Variants in CLVS2 observed in about 807,000 individuals in gnomAD.
The protein encoded by CLVS2 is clavesin-2.
Under a neutral mutation model 29.0 loss-of-function variants are expected in CLVS2, and 19 were observed. The observed-to-expected ratio is 0.66, with a 90% confidence interval of 0.46 to 0.96. CLVS2 has a LOEUF of 0.96. Among genes scored for constraint, CLVS2 ranks in the 40% least tolerant of loss-of-function variants. The pLI is 0.00. For missense variants in CLVS2, 294 were observed against 404.1 expected (o/e 0.73, Z 2.34); for synonymous variants, 161 against 151.3 (o/e 1.06, Z -0.47).
chr6:123,062,182 T>A (rs2086508473), intron 5 of CLVS2, among the ~76,000 whole-genome samples: 1 of 152,184 alleles, frequency 6.6e-6, no homozygotes, highest in South Asian at 2.1e-4. Flanking sequence ...TCTTTGAACA[T>A]GAATTCATCT....
intron 3 of CLVS2, among the ~76,000 whole-genome samples, chr6:123,039,305 C>A (rs557937341): frequency 1.3e-5 from 2 of 152,236 alleles, no homozygotes; most frequent in East Asian, 1.9e-4. Context: ...AATAGTATGA[C>A]CTTTTTGCTG....
intron 2 of CLVS2, among the ~76,000 whole-genome samples, chr6:123,008,969 T>G (rs758903131): frequency 1.3e-5 from 2 of 152,260 alleles, no homozygotes; most frequent in East Asian, 3.9e-4. Context: ...GACTTTTGCC[T>G]TTTATAATAC....
chr6:123,059,629 C>T (rs544329181), intron 5 of CLVS2, among the ~76,000 whole-genome samples: 2 of 152,264 alleles, frequency 1.3e-5, no homozygotes, highest in South Asian at 4.1e-4. Context: ...CTTTGGGTTG[C>T]TGTTGTTGTC....
rs1772558351 is a variant in CLVS2 at position 123,048,679 on chromosome 6, C to T, written c.622C>T (p.His208Tyr). ...TTTTGTCAATCAACCATGGTATATC[C>T]ATGCCCTGTACACCGTGATCCGGCC... ...IHFVNQPWYI[H>Y]ALYTVIRPFL... The change falls in exon 4 of 6, where the codon CAT becomes TAT. Residue 208 changes from histidine to tyrosine, a missense_variant. By Grantham distance (83) the His-to-Tyr change is moderately conservative. This residue lies in a region of CLVS2 where 212 missense variants were observed against 336.4 expected (regional missense o/e 0.63). Transcript: ENST00000275162. The T allele has an allele frequency of 5.0e-6, 8 of 1,613,546 alleles. No homozygotes were observed. Among genetic ancestry groups the T allele is most frequent in the Non-Finnish European group, 6.8e-6 (8 of 1,179,600 alleles).
intron 3 of CLVS2, among the ~76,000 whole-genome samples, chr6:123,026,558 T>C (rs972264437): frequency 1.3e-5 from 2 of 152,128 alleles, no homozygotes; most frequent in Admixed American, 1.3e-4. Context: ...TGGGTCACAT[T>C]TGGGGCCACA....
In CLVS2 at chr6:123,070,166, T is replaced by C. The variant is rs112717671; in HGVS notation, c.*6405T>C. 5 of 152,084 alleles carry C rather than the reference T, an allele frequency of 3.3e-5. 1 individual carries two copies. Among genetic ancestry groups the C allele is most frequent in the Middle Eastern group, 3.4e-3 (1 of 294 alleles). 9.4% of individuals were successfully genotyped at this position (152,084 alleles called of 1,614,324 possible). Reference sequence around the variant, plus strand: ...TACTCCTCATTCATATAGCTAACAATTTTAATTGGATGGCTAATGGATATG... The same window carrying C: ...TACTCCTCATTCATATAGCTAACAACTTTAATTGGATGGCTAATGGATATG... On this transcript the variant is annotated 3_prime_UTR_variant, in exon 6 of 6. Transcript: ENST00000275162.
chr6:122,996,332 G>C lies in CLVS2; in HGVS notation c.-974G>C, dbSNP rs1431370914. 3.3e-5 allele frequency: 5 copies of C among 152,414 alleles called. No individual in the cohort carries two copies. Among genetic ancestry groups the C allele is most frequent in the Admixed American group, 6.5e-5 (1 of 15,268 alleles). 9.4% of individuals were successfully genotyped at this position (152,414 alleles called of 1,614,324 possible). A position where few individuals can be genotyped will look rare whatever the true frequency, so the allele number is the denominator to read the frequency against. On this transcript the variant is annotated 5_prime_UTR_variant, in exon 1 of 6. Transcript: ENST00000275162. Reference sequence around the variant, plus strand: ...GAGAGCCCCAGGAGAGGCCAGCGCCGCGCAGCAGCCGCCCCGCTGCGCCCA... The same window carrying C: ...GAGAGCCCCAGGAGAGGCCAGCGCCCCGCAGCAGCCGCCCCGCTGCGCCCA...
intron 4 of CLVS2, among the ~76,000 whole-genome samples, chr6:123,052,133 T>C (rs967135398): frequency 7.2e-5 from 11 of 152,292 alleles, no homozygotes; most frequent in African/African-American, 2.6e-4. Context: ...AATTATATGA[T>C]ATATTAGAAG....
intron 4 of CLVS2, among the ~76,000 whole-genome samples, chr6:123,053,880 G>A (rs78102424): frequency 2.0e-5 from 3 of 152,112 alleles, no homozygotes; most frequent in African/African-American, 4.8e-5. Flanking sequence ...ATTCTAGTGC[G>A]CAGGTGGAGA....
intron 3 of CLVS2, among the ~76,000 whole-genome samples, chr6:123,038,912 A>T (rs1775190670): frequency 2.0e-5 from 3 of 152,214 alleles, no homozygotes; most frequent in African/African-American, 7.2e-5. Context: ...CTTATAACTG[A>T]TGTCTGGAAG....
intron 4 of CLVS2, 94 bp downstream of exon 4, chr6:123,048,826 A>T: frequency 2.5e-6 from 2 of 786,934 alleles, no homozygotes; most frequent in South Asian, 3.2e-5. Flanking sequence ...AGTAAAATGT[A>T]CTTCTACATT....
At chr6:123,057,334 CTTTTTTTTTTTTTT>C (rs71541220) in intron 5 of CLVS2, among the ~76,000 whole-genome samples, 11 of 83,696 alleles carry the variant, frequency 1.3e-4, no homozygotes, top group Non-Finnish European at 1.6e-4. Flanking sequence ...GGATGGTCTT[CTTTTTTTTTTTTTT>C]TTTTTTTTTT....
intron 5 of CLVS2, 73 bp downstream of exon 5, chr6:123,056,099 T>G (rs1772690092): frequency 1.1e-6 from 1 of 939,160 alleles, no homozygotes; most frequent in Non-Finnish European, 1.7e-6. Flanking sequence ...ACTCAAAGCT[T>G]TCTGTTTTTC....
chr6:123,017,466 T>C (rs1416811398), intron 3 of CLVS2, among the ~76,000 whole-genome samples: 3 of 152,090 alleles, frequency 2.0e-5, no homozygotes, highest in African/African-American at 7.2e-5. Flanking sequence ...CATTACCACA[T>C]TGAGAAACAG....
chr6:123,047,650 C>G (rs1772537455), intron 3 of CLVS2, among the ~76,000 whole-genome samples: 1 of 152,094 alleles, frequency 6.6e-6, no homozygotes, highest in South Asian at 2.1e-4. Flanking sequence ...ATTTTAGTTC[C>G]TTTACTTTTC....
At chr6:123,023,804 G>T (rs1026964990) in intron 3 of CLVS2, among the ~76,000 whole-genome samples, 1 of 152,152 alleles carries the variant, frequency 6.6e-6, no homozygotes, top group South Asian at 2.1e-4. Flanking sequence ...ATCATGTCCA[G>T]ATTTTAATTT....
rs1472479457 is a variant in CLVS2, at chr6:123,070,907, G to T, written c.*7146G>T. On this transcript the variant is annotated 3_prime_UTR_variant, in exon 6 of 6. Transcript: ENST00000275162. Reference sequence around the variant, plus strand: ...GCCTCTAATTTCAGATATCCACGTGGTTTATTCCCTCATCTTCTTCAGGTA... The same window carrying T: ...GCCTCTAATTTCAGATATCCACGTGTTTTATTCCCTCATCTTCTTCAGGTA... 2 of 151,816 alleles carry T rather than the reference G, an allele frequency of 1.3e-5. No individual in the cohort carries two copies. The highest frequency in any genetic ancestry group is 6.6e-5 in the Admixed American group (1 of 15,202). 9.4% of individuals were successfully genotyped at this position (151,816 alleles called of 1,614,324 possible).
chr6:123,003,691 G>GA (rs1562161941), intron 2 of CLVS2, among the ~76,000 whole-genome samples: 2 of 152,232 alleles, frequency 1.3e-5, no homozygotes, highest in East Asian at 1.9e-4. Flanking sequence ...TCTCTGGGAA[G>GA]AAAAAACATG....
rs1424860830 is a variant in CLVS2, at chr6:123,064,781, T to C, written c.*1020T>C. ...GATATTCAATGATCTTATGGATAAT[T>C]ACATGAGATAACTCTGGAAAACTAC... is the stretch of plus-strand genomic sequence containing the variant. On this transcript the variant is annotated 3_prime_UTR_variant, in exon 6 of 6. Transcript: ENST00000275162. The C allele has an allele frequency of 6.6e-6, 1 of 151,848 alleles. No individual in the cohort carries two copies. Among genetic ancestry groups the C allele is most frequent in the Non-Finnish European group, 1.5e-5 (1 of 67,854 alleles). 9.4% of individuals were successfully genotyped at this position (151,848 alleles called of 1,614,324 possible).
Sources: gnomAD v4.1 joint callset for allele counts (sites outside exome capture counted in the v4.1 genomes callset) on GRCh38, gnomAD v4.1.1 for gene constraint, gnomAD v4.1.1 regional missense constraint, MANE v1.5 for transcripts, NCBI Gene and HGNC (gene_info 2026-07-23, HGNC 2026-07-21) for gene names.